FRK: variants seen among roughly 807,000 people sequenced by gnomAD.
The protein encoded by FRK is fyn related Src family tyrosine kinase.
Under a neutral mutation model 56.4 loss-of-function variants are expected in FRK, and 51 were observed. The observed-to-expected ratio is 0.90, with a 90% CI of 0.72 to 1.14. The LOEUF (loss-of-function observed/expected upper bound fraction) is 1.14, where lower values mean the gene tolerates loss of function less well. Ranked by LOEUF, FRK falls within the 50% of genes most tolerant of loss-of-function variation. The probability of loss-of-function intolerance (pLI) is 0.00; values close to 1 mark genes in which losing one functional copy is unlikely to be tolerated. For synonymous variants in FRK, 245 were observed against 217.9 expected, an observed-to-expected ratio of 1.12 and a Z score of -1.10; for missense variants, 570 against 601.4, an observed-to-expected ratio of 0.95 and a Z score of 0.55.
intron 1 of FRK, among the ~76,000 whole-genome samples, chr6:116,048,492 C>G (rs1777061399): frequency 6.6e-6 from 1 of 152,144 alleles, no homozygotes; most frequent in Admixed American, 6.5e-5. Flanking sequence ...TAAAGCAATC[C>G]TCCCACCTCA....
At position 115,931,893 on chromosome 6, in the gene FRK, A is replaced by T. The variant is rs1310856534; in HGVS notation, c.*10521T>A. ...AGGTAATATGACTTGAATCCTCTGC[A>T]TGGTAATACTTCCAACTGGACACTT... On this transcript the variant is annotated 3_prime_UTR_variant, in exon 8 of 8. Transcript: ENST00000606080. 1 of 152,196 alleles carries T rather than the reference A, an allele frequency of 6.6e-6. No individual in the cohort carries two copies. 9.4% of individuals were successfully genotyped at this position (152,196 alleles called of 1,614,324 possible).
intron 1 of FRK, among the ~76,000 whole-genome samples, chr6:116,021,114 ATGC>A (rs2114735423): frequency 6.6e-6 from 1 of 152,118 alleles, no homozygotes; most frequent in Non-Finnish European, 1.5e-5. Flanking sequence ...AATGTTTTAA[ATGC>A]TGAGAAACAT....
chr6:115,994,720 AT>A (rs919939240), intron 2 of FRK, among the ~76,000 whole-genome samples: 1 of 152,084 alleles, frequency 6.6e-6, no homozygotes, highest in Non-Finnish European at 1.5e-5. Flanking sequence ...AGGCGATTAA[AT>A]TTAAATGAGA....
intron 1 of FRK, among the ~76,000 whole-genome samples, chr6:116,005,024 T>G (rs115943070): frequency 0.021 from 3,176 of 152,212 alleles, 107 homozygotes; most frequent in African/African-American, 0.066. Context: ...CTATCAAAAT[T>G]TAACTTGAAT....
Position 115,935,102 on chromosome 6 carries a change from T to G in FRK, c.*7312A>C, listed in dbSNP as rs1407424172. 1 of 152,488 alleles carries G rather than the reference T, an allele frequency of 6.6e-6. No individual in the cohort carries two copies. Among genetic ancestry groups the G allele is most frequent in the Admixed American group, 6.5e-5 (1 of 15,280 alleles). 9.4% of individuals were successfully genotyped at this position (152,488 alleles called of 1,614,324 possible). A position where few individuals can be genotyped will look rare whatever the true frequency, so the allele number is the denominator to read the frequency against. ...CTCTGGTCTGCAGCTCCCAGTGAGA[T>G]CAACGCAGAAGGCGGGTGATTTCTG... On this transcript the variant is annotated 3_prime_UTR_variant, in exon 8 of 8. Coordinates refer to ENST00000606080, the MANE Select transcript of FRK (RefSeq NM_002031.3).
chr6:116,055,823 T>C (rs1315394296), intron 1 of FRK, among the ~76,000 whole-genome samples: 1 of 152,220 alleles, frequency 6.6e-6, no homozygotes, highest in Non-Finnish European at 1.5e-5. Context: ...TGGAGCTTAA[T>C]AAACAATAAA....
At chr6:116,075,479 A>G in the FRK span, among the ~76,000 whole-genome samples, 1 of 151,646 alleles carries the variant, frequency 6.6e-6, no homozygotes, top group African/African-American at 2.4e-5. Context: ...AAAAAAAAAA[A>G]AAAACCTGGA....
chr6:116,005,299 C>T (rs972268124), intron 1 of FRK, among the ~76,000 whole-genome samples: 2 of 152,176 alleles, frequency 1.3e-5, no homozygotes, highest in African/African-American at 4.8e-5. Flanking sequence ...TGGTTTCACT[C>T]AGCTCCAGGT....
At chr6:116,022,166 C>CACAAGAAATTACACAAGAA (rs1775895156) in intron 1 of FRK, among the ~76,000 whole-genome samples, 3 of 152,094 alleles carry the variant, frequency 2.0e-5, no homozygotes, top group Admixed American at 2.0e-4. Flanking sequence ...AAAGAAATTA[C>CACAAGAAATTACACAAGAA]ATTCATAATT....
intron 1 of FRK, among the ~76,000 whole-genome samples, chr6:116,051,427 A>T (rs1204325192): frequency 2.0e-5 from 3 of 152,206 alleles, no homozygotes; most frequent in Admixed American, 1.3e-4. Flanking sequence ...TGTAGAAAAA[A>T]ATTGCATCAT....
At chr6:116,010,839 A>G (rs928892500) in intron 1 of FRK, among the ~76,000 whole-genome samples, 1 of 152,242 alleles carries the variant, frequency 6.6e-6, no homozygotes, top group Non-Finnish European at 1.5e-5. Flanking sequence ...GGCAGATATT[A>G]TCAATTTTGT....
At position 115,937,724 on chromosome 6, in the gene FRK, CAAAG is replaced by C. The variant is rs753820812; in HGVS notation, c.*4686_*4689del. On this transcript the variant is annotated 3_prime_UTR_variant, in exon 8 of 8. Coordinates refer to ENST00000606080, the MANE Select transcript of FRK (RefSeq NM_002031.3). The stretch of plus-strand genomic sequence containing the variant: ...TTAAATCAACAAAGATCAAAAGAGA[CAAAG>C]AAGGGCATTACATAATGGTAAACAG... 19 of 152,028 alleles carry C rather than the reference CAAAG, an allele frequency of 1.2e-4. No homozygotes were observed. Among genetic ancestry groups the C allele is most frequent in the Non-Finnish European group, 2.5e-4 (17 of 68,022 alleles). 9.4% of individuals were successfully genotyped at this position (152,028 alleles called of 1,614,324 possible). A position where few individuals can be genotyped will look rare whatever the true frequency, so the allele number is the denominator to read the frequency against.
chr6:115,968,453 T>C, intron 3 of FRK, 123 bp downstream of exon 3: 1 of 1,051,436 alleles, frequency 9.5e-7, no homozygotes, highest in Non-Finnish European at 1.4e-6. Context: ...GGTTTGCCTA[T>C]ACCCGCCTGA....
intron 4 of FRK, among the ~76,000 whole-genome samples, chr6:115,962,367 C>T (rs1773409904): frequency 6.6e-6 from 1 of 150,578 alleles, no homozygotes; most frequent in African/African-American, 2.5e-5. Flanking sequence ...ATTTATGCAC[C>T]CAATACAGGA....
intron 5 of FRK, among the ~76,000 whole-genome samples, chr6:115,954,170 G>A (rs764321348): frequency 6.6e-6 from 1 of 152,158 alleles, no homozygotes; most frequent in Non-Finnish European, 1.5e-5. Context: ...AGGAAATAAC[G>A]AGTGAGGCAA....
chr6:116,001,903 C>T (rs1341441217), intron 2 of FRK, among the ~76,000 whole-genome samples: 2 of 152,084 alleles, frequency 1.3e-5, no homozygotes, highest in Non-Finnish European at 2.9e-5. Flanking sequence ...ATGTTTGATG[C>T]AGAATCTCTT....
At chr6:116,024,590 T>C (rs1776014347) in intron 1 of FRK, among the ~76,000 whole-genome samples, 2 of 152,038 alleles carry the variant, frequency 1.3e-5, no homozygotes, top group Admixed American at 6.6e-5. Context: ...ACAAAGGACA[T>C]GAACTCATCA....
intron 5 of FRK, among the ~76,000 whole-genome samples, chr6:115,954,799 T>C (rs1772921368): frequency 6.6e-6 from 1 of 152,210 alleles, no homozygotes; most frequent in African/African-American, 2.4e-5. Flanking sequence ...ACAGAATTAC[T>C]TCTGTCACTT....
the FRK span, among the ~76,000 whole-genome samples, chr6:116,085,132 C>A: frequency 1.3e-5 from 2 of 151,910 alleles, no homozygotes; most frequent in Admixed American, 1.3e-4. Context: ...GAATTGAGAG[C>A]CTAGAGTATT....
Sources: gnomAD v4.1 joint callset for allele counts (sites outside exome capture counted in the v4.1 genomes callset) on GRCh38, gnomAD v4.1.1 for gene constraint, MANE v1.5 for transcripts, NCBI Gene and HGNC (gene_info 2026-07-23, HGNC 2026-07-21) for gene names.